The following EML6 variants were observed in gnomAD, a reference collection of about 807,000 sequenced individuals.
EML6 encodes the protein echinoderm microtubule-associated protein-like 6.
Under a neutral mutation model 240.1 loss-of-function variants are expected in EML6, and 154 were observed. The ratio of observed to expected loss-of-function variants is 0.64; its 90% CI spans 0.56 to 0.73. EML6 has a LOEUF of 0.73. Among genes scored for constraint, EML6 ranks in the 30% least tolerant of loss-of-function variants. The probability of loss-of-function intolerance (pLI) is 0.00; values close to 1 mark genes in which losing one functional copy is unlikely to be tolerated. For synonymous variants in EML6, 1,148 were observed against 899.0 expected (o/e 1.28, Z -4.95); for missense variants, 2,964 against 2,474.6 (o/e 1.20, Z -4.20).
chr2:54,797,169 A>AAAAAAACC (rs1669842121), intron 2 of EML6, among the ~76,000 whole-genome samples: 1 of 133,480 alleles, frequency 7.5e-6, no homozygotes, highest in South Asian at 2.4e-4. Flanking sequence ...CATCTCAAAA[A>AAAAAAACC]AAAAAAAAAA....
intron 2 of EML6, among the ~76,000 whole-genome samples, chr2:54,802,994 G>A (rs1222319477): frequency 6.6e-6 from 1 of 152,150 alleles, no homozygotes; most frequent in Admixed American, 6.5e-5. Context: ...GGGAACTTGG[G>A]AGACTGGGGT....
intron 5 of EML6, among the ~76,000 whole-genome samples, chr2:54,820,684 C>G (rs189134216): frequency 6.6e-6 from 1 of 152,258 alleles, no homozygotes; most frequent in East Asian, 1.9e-4. Flanking sequence ...GCTCCGCAGG[C>G]AGCTGAAAAG....
In EML6 at chr2:54,932,253, C is replaced by A. The variant is rs115774144; in HGVS notation, c.4004+3502C>A. Among the ~76,000 whole-genome samples, 771 of 152,320 alleles carry A rather than the reference C, an allele frequency of 5.1e-3. 3 individuals are homozygous for A. The highest frequency in any genetic ancestry group is 7.3e-3 in the Non-Finnish European group (499 of 68,028). ...AGCTTTCCTCTAACACACTGGGATACCCTGCCTCCATGACCCAGACTCATC... is the reference window on the plus strand; with the variant it reads ...AGCTTTCCTCTAACACACTGGGATAACCTGCCTCCATGACCCAGACTCATC... On this transcript the variant is annotated intron_variant, in intron 28 of 41. Transcript: ENST00000356458.
At chr2:54,740,616 A>T (rs1233495535) in intron 2 of EML6, among the ~76,000 whole-genome samples, 1 of 151,884 alleles carries the variant, frequency 6.6e-6, no homozygotes, top group African/African-American at 2.4e-5. Flanking sequence ...CATCTGCTTT[A>T]TATATTTTCC....
chr2:54,815,340 T>G (rs2567969), intron 3 of EML6, among the ~76,000 whole-genome samples: 133,616 of 152,166 alleles, frequency 0.88, 58,850 homozygotes, highest in African/African-American at 0.93. Context: ...CTTCAGGTCC[T>G]CCTTACTCCC....
At chr2:54,867,385 TATCTGTATTATGAATAC>T (rs1671027834) in intron 14 of EML6, 1 of 152,792 alleles carries the variant, frequency 6.5e-6, no homozygotes, top group Non-Finnish European at 1.5e-5. Context: ...GAGAAGATAC[TATCTGTATTATGAATAC>T]ATCAGTCCTT....
intron 17 of EML6, among the ~76,000 whole-genome samples, chr2:54,883,875 A>G (rs537002849): frequency 1.3e-5 from 2 of 152,274 alleles, no homozygotes; most frequent in East Asian, 1.9e-4. Context: ...GCCACTTTAT[A>G]ACTAGCCACA....
rs181876077 is a variant in EML6 at position 54,816,362 on chromosome 2, T to G, written c.358-425T>G. Among the ~76,000 whole-genome samples, 7 of 152,342 alleles carry G rather than the reference T, an allele frequency of 4.6e-5. No homozygotes were observed. In the East Asian group the frequency reaches 7.7e-4, roughly 17 times the overall value. On this transcript the variant is annotated intron_variant, in intron 3 of 41. Coordinates refer to ENST00000356458, the MANE Select transcript of EML6 (RefSeq NM_001039753.4). Reference sequence around the variant, plus strand: ...TAAAAATTAATGTTCATTTATTCTATTCGTCAAACCCTTAAATTTTAGCAG... The same window carrying G: ...TAAAAATTAATGTTCATTTATTCTAGTCGTCAAACCCTTAAATTTTAGCAG...
intron 2 of EML6, among the ~76,000 whole-genome samples, chr2:54,803,367 C>T (rs1296835885): frequency 1.3e-5 from 2 of 152,098 alleles, no homozygotes; most frequent in Non-Finnish European, 1.5e-5. Flanking sequence ...CTAGAGGAGT[C>T]AATGCAATTG....
intron 2 of EML6, among the ~76,000 whole-genome samples, chr2:54,741,498 A>G (rs2103649925): frequency 6.6e-6 from 1 of 152,290 alleles, no homozygotes; most frequent in East Asian, 1.9e-4. Flanking sequence ...AAGATTACTA[A>G]GAAAGCAGTG....
At chr2:54,882,297 G>C (rs1397739327) in intron 17 of EML6, 1 of 121,476 alleles carries the variant, frequency 8.2e-6, no homozygotes, top group African/African-American at 3.3e-5. Context: ...TTTCCCTAAA[G>C]ATCATTCCAA....
Position 54,806,598 on chromosome 2 carries a change from AGTGACTCCGTCTCC to A in EML6, c.198-6633_198-6620del, listed in dbSNP as rs1558565575. ...CTTGCACTCCAGCCTGGGCAACAAG[AGTGACTCCGTCTCC>A]AAAAAAAAAAAAAAAAAAAAAAAAA... On this transcript the variant is annotated intron_variant, in intron 2 of 41. Coordinates refer to ENST00000356458, the MANE Select transcript of EML6 (RefSeq NM_001039753.4). 1.4e-4 allele frequency among the ~76,000 whole-genome samples: 18 copies of A among 127,850 alleles called. No homozygotes were observed. In the East Asian group the frequency reaches 4.3e-3, roughly 31 times the overall value. 83.9% of individuals were successfully genotyped at this position (127,850 alleles called of 152,430 possible).
chr2:54,901,259 C>T (rs966943914), intron 22 of EML6, among the ~76,000 whole-genome samples: 27 of 152,184 alleles, frequency 1.8e-4, no homozygotes, highest in Non-Finnish European at 2.5e-4. Flanking sequence ...TGAGAACACA[C>T]CTGTGGCCAC....
At chr2:54,827,281 G>T (rs1038583495) in intron 5 of EML6, among the ~76,000 whole-genome samples, 1 of 152,190 alleles carries the variant, frequency 6.6e-6, no homozygotes, top group African/African-American at 2.4e-5. Context: ...CCAACTCTGA[G>T]AACATTATCT....
intron 24 of EML6, among the ~76,000 whole-genome samples, chr2:54,907,940 A>G (rs1673423593): frequency 4.5e-5 from 1 of 22,250 alleles, no homozygotes; most frequent in Non-Finnish European, 1.1e-4. Flanking sequence ...AGATAGATAG[A>G]TAGATAAGAT....
chr2:54,814,888 G>T (rs1668013486), intron 3 of EML6, among the ~76,000 whole-genome samples: 1 of 152,152 alleles, frequency 6.6e-6, no homozygotes, highest in Admixed American at 6.6e-5. Flanking sequence ...TTTAATGCAT[G>T]CATTCCCTTT....
chr2:54,896,413 T>C (rs535015100), intron 21 of EML6, among the ~76,000 whole-genome samples: 1 of 152,306 alleles, frequency 6.6e-6, no homozygotes, highest in African/African-American at 2.4e-5. Context: ...AAAAGTCATA[T>C]TTAGGTAAAA....
At chr2:54,851,719 T>C (rs1237029846) in intron 10 of EML6, among the ~76,000 whole-genome samples, 2 of 152,236 alleles carry the variant, frequency 1.3e-5, no homozygotes, top group African/African-American at 4.8e-5. Context: ...TCCTGATCTT[T>C]GCCCATTTCA....
At chr2:54,913,464 G>A (rs186070568) in intron 25 of EML6, among the ~76,000 whole-genome samples, 15 of 152,116 alleles carry the variant, frequency 9.9e-5, no homozygotes, top group Admixed American at 7.9e-4. Context: ...TGTTGCTCAG[G>A]CTGGTCTCCA....
Sources: gnomAD v4.1 joint callset for allele counts (sites outside exome capture counted in the v4.1 genomes callset) on GRCh38, gnomAD v4.1.1 for gene constraint, MANE v1.5 for transcripts, NCBI Gene and HGNC (gene_info 2026-07-23, HGNC 2026-07-21) for gene names.